The following TENM4 variants were observed in gnomAD, a reference collection of about 807,000 sequenced individuals.
The protein encoded by TENM4 is teneurin-4.
Under a neutral mutation model 243.3 loss-of-function variants are expected in TENM4, and 82 were observed. The ratio of observed to expected loss-of-function variants is 0.34; its 90% CI spans 0.28 to 0.40. The LOEUF (loss-of-function observed/expected upper bound fraction) is 0.40. Among genes scored for constraint, TENM4 ranks in the 10% least tolerant of loss-of-function variants. The pLI, the probability that TENM4 is intolerant of heterozygous loss-of-function variation, is 1.00. For missense variants in TENM4, 3,138 were observed against 3,673.3 expected (o/e 0.85, Z 3.77); for synonymous variants, 1,412 against 1,456.3 (o/e 0.97, Z 0.69).
At chr11:79,406,091 T>G (rs759157214) in intron 1 of TENM4, among the ~76,000 whole-genome samples, 54 of 152,228 alleles carry the variant, frequency 3.5e-4, no homozygotes, top group Non-Finnish European at 7.1e-4. Context: ...GGCCTGACTG[T>G]GCAGACATAC....
chr11:78,927,933 C>T (rs1207587822), intron 6 of TENM4, among the ~76,000 whole-genome samples: 5 of 152,168 alleles, frequency 3.3e-5, no homozygotes, highest in South Asian at 4.2e-4. Context: ...TCAAACTTCC[C>T]GACAGCCCAA....
At chr11:79,172,311 CG>C (rs1449435584) in intron 3 of TENM4, among the ~76,000 whole-genome samples, 1 of 152,132 alleles carries the variant, frequency 6.6e-6, no homozygotes, top group African/African-American at 2.4e-5. Context: ...CCTAGGCAAA[CG>C]GGGGCATGAT....
At chr11:78,752,681 A>C (rs1347101735) in intron 19 of TENM4, among the ~76,000 whole-genome samples, 1 of 152,214 alleles carries the variant, frequency 6.6e-6, no homozygotes, top group Non-Finnish European at 1.5e-5. Flanking sequence ...CTGCCTCCCC[A>C]TCAGAAATTC....
At chr11:78,760,694 A>G (rs1856411214) in intron 18 of TENM4, among the ~76,000 whole-genome samples, 1 of 152,134 alleles carries the variant, frequency 6.6e-6, no homozygotes, top group Non-Finnish European at 1.5e-5. Context: ...TTTGGTTTTG[A>G]GCTCTTTGAA....
At chr11:79,375,276 C>G (rs1252982456) in intron 1 of TENM4, among the ~76,000 whole-genome samples, 1 of 152,018 alleles carries the variant, frequency 6.6e-6, no homozygotes, top group Admixed American at 6.6e-5. Context: ...ATTTTTATTA[C>G]AGAAGTCATA....
At chr11:78,836,854 T>C (rs887752769) in intron 12 of TENM4, among the ~76,000 whole-genome samples, 1 of 152,128 alleles carries the variant, frequency 6.6e-6, no homozygotes, top group Non-Finnish European at 1.5e-5. Flanking sequence ...GCAAACAACA[T>C]TGGAAATATT....
At chr11:78,937,604 G>A (rs139604201) in intron 6 of TENM4, among the ~76,000 whole-genome samples, 1 of 152,298 alleles carries the variant, frequency 6.6e-6, no homozygotes, top group Non-Finnish European at 1.5e-5. Context: ...ATTTATAGGA[G>A]GCCATTGGTT....
At position 78,836,331 on chromosome 11, in the gene TENM4, C is replaced by T. The variant is rs111627458; in HGVS notation, c.1681+17773G>A. Among the ~76,000 whole-genome samples the T allele has an allele frequency of 6.8e-3, 1,039 of 152,208 alleles. 8 individuals carry two copies. The highest frequency in any genetic ancestry group is 0.02 in the Middle Eastern group (6 of 294). ...CGCTGTTGCACTCCAGCCTGGGCAA[C>T]AAGAGTGAGACTCTGTCCCAAAAAG... On this transcript the variant is annotated intron_variant, in intron 12 of 33. Coordinates refer to ENST00000278550, the MANE Select transcript of TENM4 (RefSeq NM_001098816.3).
chr11:78,984,070 G>T (rs1462809928), intron 6 of TENM4, among the ~76,000 whole-genome samples: 1 of 152,116 alleles, frequency 6.6e-6, no homozygotes, highest in Non-Finnish European at 1.5e-5. Flanking sequence ...GGCTTTCTCT[G>T]GGCCACCAGT....
chr11:78,928,105 A>C (rs117458983), intron 6 of TENM4, among the ~76,000 whole-genome samples: 4,981 of 152,040 alleles, frequency 0.033, 115 homozygotes, highest in Non-Finnish European at 0.047. Flanking sequence ...CACCAACACC[A>C]CCACCCATCC....
chr11:79,398,154 A>C (rs1291751038), intron 1 of TENM4, among the ~76,000 whole-genome samples: 2 of 152,198 alleles, frequency 1.3e-5, no homozygotes, highest in African/African-American at 4.8e-5. Context: ...AGTTTGCTAC[A>C]CATTCTGTGC....
In TENM4 at chr11:78,688,042, C is replaced by T. The variant is rs371636829; in HGVS notation, c.5260+12G>A. On this transcript the variant is annotated intron_variant, in intron 29 of 33. Coordinates refer to ENST00000278550, the MANE Select transcript of TENM4 (RefSeq NM_001098816.3). The stretch of plus-strand genomic sequence containing the variant: ...CTCTGCCTCAAAGTCCCCTGGCCCC[C>T]ACCTGACTTACCTTGCAGCAGTGTG... 3.1e-6 allele frequency: 5 copies of T among 1,612,794 alleles called. No individual in the cohort carries two copies. Among genetic ancestry groups the T allele is most frequent in the Middle Eastern group, 1.7e-4 (1 of 6,020 alleles).
chr11:79,143,116 G>A (rs1007672270), intron 4 of TENM4, among the ~76,000 whole-genome samples: 27 of 152,128 alleles, frequency 1.8e-4, no homozygotes, highest in Non-Finnish European at 2.5e-4. Context: ...AAGACAGTGC[G>A]GTGATTCCTC....
chr11:79,009,620 A>C (rs1858590544), intron 6 of TENM4, among the ~76,000 whole-genome samples: 1 of 152,276 alleles, frequency 6.6e-6, no homozygotes, highest in African/African-American at 2.4e-5. Context: ...AGGCCATAGG[A>C]TCACTTAGTG....
intron 9 of TENM4, among the ~76,000 whole-genome samples, chr11:78,888,369 A>G (rs938191534): frequency 4.6e-5 from 7 of 152,236 alleles, no homozygotes; most frequent in Admixed American, 3.9e-4. Context: ...TTGGCCTTGG[A>G]GCCATGGAAT....
At chr11:78,869,259 G>A (rs1384567245) in intron 9 of TENM4, among the ~76,000 whole-genome samples, 1 of 149,412 alleles carries the variant, frequency 6.7e-6, no homozygotes, top group African/African-American at 2.4e-5. Flanking sequence ...CAGCGATGCA[G>A]GAAAATGCTT....
intron 1 of TENM4, among the ~76,000 whole-genome samples, chr11:79,373,064 GA>G (rs140594897): frequency 0.17 from 26,309 of 151,892 alleles, 2,663 homozygotes; most frequent in African/African-American, 0.28. Flanking sequence ...TCTTAATTAT[GA>G]AAAAAATATA....
At chr11:78,976,955 C>G (rs2136604661) in intron 6 of TENM4, among the ~76,000 whole-genome samples, 1 of 152,330 alleles carries the variant, frequency 6.6e-6, no homozygotes. Context: ...AGGAATCACT[C>G]TCGCACTCAG....
chr11:78,927,455 T>A (rs1055478960), intron 6 of TENM4, among the ~76,000 whole-genome samples: 1 of 152,208 alleles, frequency 6.6e-6, no homozygotes, highest in African/African-American at 2.4e-5. Flanking sequence ...TGCTAAGGGA[T>A]GTAAATGAGA....
Sources: allele counts gnomAD v4.1 joint callset (sites outside exome capture counted in the v4.1 genomes callset), GRCh38; gene constraint gnomAD v4.1.1; transcripts MANE v1.5; gene names NCBI Gene and HGNC (gene_info 2026-07-23, HGNC 2026-07-21).